Variants in ZBED6 observed in about 807,000 individuals in gnomAD.
ZBED6 encodes zinc finger BED-type containing 6.
Under a neutral mutation model 58.4 loss-of-function variants are expected in ZBED6, and 40 were observed. The observed-to-expected ratio is 0.68, with a 90% CI of 0.53 to 0.89. ZBED6 has a LOEUF of 0.89. Among genes scored for constraint, ZBED6 ranks in the 40% least tolerant of loss-of-function variants. The probability of loss-of-function intolerance (pLI) is 0.00; values close to 1 mark genes in which losing one functional copy is unlikely to be tolerated. For missense variants in ZBED6, 1,057 were observed against 1,003.9 expected, an observed-to-expected ratio of 1.05 and a Z score of -0.71; for synonymous variants, 439 against 350.6, an observed-to-expected ratio of 1.25 and a Z score of -2.82.
At chr1:203,853,883 G>A (rs367873607) in exon 17 of ZBED6, 1 of 152,594 alleles carries the variant, frequency 6.6e-6, no homozygotes, top group Non-Finnish European at 1.5e-5. Context: ...CCAAAGCAGA[G>A]GTAGAATGTT....
At chr1:203,847,618 A>C (rs758078429) in exon 12 of ZBED6, 1 of 1,613,462 alleles carries the variant, frequency 6.2e-7, no homozygotes, top group Non-Finnish European at 8.5e-7. Context: ...TGAGAGCAGC[A>C]CCAGCTCCCC....
intron 1 of ZBED6, chr1:203,814,933 A>AGTTTCCCT (rs1675765939): frequency 6.6e-6 from 1 of 151,864 alleles, no homozygotes; most frequent in Non-Finnish European, 1.5e-5. Context: ...GGGTTCAAGA[A>AGTTTCCCT]GTTTCCCTAC....
At chr1:203,798,297 A>C in exon 1 of ZBED6, 1 of 1,536,100 alleles carries the variant, frequency 6.5e-7, no homozygotes, top group Non-Finnish European at 8.7e-7. Context: ...GCATGCTTTA[A>C]TTCCTGGAAC....
exon 1 of ZBED6, chr1:203,798,476 G>T: frequency 6.5e-7 from 1 of 1,536,124 alleles, no homozygotes; most frequent in Non-Finnish European, 8.7e-7. Context: ...CTATCCATTG[G>T]GCTGTTGCCA....
chr1:203,829,330 G>A (rs1681525807), intron 4 of ZBED6, 121 bp from the exon 5 acceptor site: 1 of 1,006,274 alleles, frequency 9.9e-7, no homozygotes, highest in Admixed American at 2.5e-5. Flanking sequence ...CTTAAATGAG[G>A]AAATTTAGTA....
exon 1 of ZBED6, chr1:203,797,728 G>T: frequency 6.5e-7 from 1 of 1,535,246 alleles, no homozygotes; most frequent in Non-Finnish European, 8.7e-7. Flanking sequence ...AAGGGTTTGC[G>T]AATTAAGGGG....
exon 6 of ZBED6, chr1:203,829,895 A>G (rs775667583): frequency 6.2e-7 from 1 of 1,613,012 alleles, no homozygotes; most frequent in East Asian, 2.2e-5. Context: ...ATATAAAGCA[A>G]GGTAAGAAGA....
At chr1:203,841,583 C>A (rs774882410) in intron 11 of ZBED6, among the ~76,000 whole-genome samples, 17 of 151,462 alleles carry the variant, frequency 1.1e-4, no homozygotes, top group Non-Finnish European at 2.5e-4. Context: ...ACAATCTGAT[C>A]TCTCTTTCTT....
chr1:203,847,081 G>A lies in ZBED6; in HGVS notation c.*3742-103G>A. 6 of 1,243,760 alleles carry A rather than the reference G, an allele frequency of 4.8e-6. No individual in the cohort carries two copies. In the South Asian group the frequency reaches 8.5e-5, roughly 18 times the overall value. The allele number at this position is 1,243,760 out of a possible 1,614,324, so 77.0% of individuals were successfully genotyped here. On this transcript the variant is annotated intron_variant, in intron 11 of 16. Transcript: ENST00000550078. The stretch of plus-strand genomic sequence containing the variant: ...GATCCTTTTAATTGCCTGCTTAAAT[G>A]ATAGCTCTCTGTTGGACTGTCTTGA...
intron 11 of ZBED6, among the ~76,000 whole-genome samples, chr1:203,846,093 C>T (rs1687809401): frequency 1.2e-5 from 1 of 86,408 alleles, no homozygotes; most frequent in South Asian, 4.0e-4. Flanking sequence ...GCCTGGGCCA[C>T]ATAACAAGAC....
chr1:203,797,444 A>G (rs903333751), exon 1 of ZBED6: 72 of 1,316,528 alleles, frequency 5.5e-5, no homozygotes, highest in Non-Finnish European at 7.1e-5. Context: ...TAATGCAAGT[A>G]GAGAGGAACA....
intron 3 of ZBED6, among the ~76,000 whole-genome samples, chr1:203,824,253 G>GT (rs1679744603): frequency 7.0e-6 from 1 of 142,104 alleles, no homozygotes; most frequent in Non-Finnish European, 1.5e-5. Flanking sequence ...GGGCTACACA[G>GT]TAAGACTCCC....
intron 1 of ZBED6, among the ~76,000 whole-genome samples, chr1:203,807,092 C>T (rs1672662789): frequency 6.6e-6 from 1 of 151,730 alleles, no homozygotes; most frequent in African/African-American, 2.4e-5. Context: ...TTGTGTTGCC[C>T]AGGCTGGTCT....
chr1:203,847,092 G>T, intron 11 of ZBED6, 92 bp from the exon 12 acceptor site: 1 of 1,360,800 alleles, frequency 7.3e-7, no homozygotes, highest in Non-Finnish European at 1.0e-6. Flanking sequence ...ATAGCTCTCT[G>T]TTGGACTGTC....
At chr1:203,819,860 T>A (rs1323210861) in intron 3 of ZBED6, among the ~76,000 whole-genome samples, 1 of 151,812 alleles carries the variant, frequency 6.6e-6, no homozygotes, top group African/African-American at 2.4e-5. Context: ...TTAAAAAGAT[T>A]AACATTGATA....
At chr1:203,804,784 T>C (rs1671716085) in intron 1 of ZBED6, among the ~76,000 whole-genome samples, 1 of 151,828 alleles carries the variant, frequency 6.6e-6, no homozygotes, top group Non-Finnish European at 1.5e-5. Context: ...GTGATTCTTC[T>C]GTCTCAGCCT....
intron 16 of ZBED6, among the ~76,000 whole-genome samples, chr1:203,851,858 A>G (rs1239308832): frequency 6.6e-6 from 1 of 150,736 alleles, no homozygotes; most frequent in Non-Finnish European, 1.5e-5. Context: ...AGACCCAGCT[A>G]CTTGGGAGGC....
At chr1:203,827,853 C>CT (rs1480282162) in intron 3 of ZBED6, among the ~76,000 whole-genome samples, 1 of 152,072 alleles carries the variant, frequency 6.6e-6, no homozygotes, top group Non-Finnish European at 1.5e-5. Context: ...GTGCTTAGTG[C>CT]TTTATATACA....
In ZBED6 at chr1:203,798,356, G is replaced by T. The variant is rs1190947878; in HGVS notation, c.834G>T (p.Gln278His). 4 of 1,535,214 alleles carry T rather than the reference G, an allele frequency of 2.6e-6. No homozygotes were observed. In the African/African-American group the frequency reaches 5.5e-5, roughly 21 times the overall value. ...GGAATTTTTTTTACACTGATCCTCA[G>T]CACATCTCAAGAGCTGTGTGTAATA... is the stretch of plus-strand genomic sequence containing the variant. The change falls in exon 1 of 17, where the codon CAG (glutamine) becomes CAT (histidine). Residue 278 changes from glutamine to histidine, a missense_variant. Coordinates refer to ENST00000550078, the Ensembl canonical transcript of ZBED6.
Sources: allele counts gnomAD v4.1 joint callset (sites outside exome capture counted in the v4.1 genomes callset), GRCh38; gene constraint gnomAD v4.1.1; transcripts MANE v1.5; gene names NCBI Gene and HGNC (gene_info 2026-07-23, HGNC 2026-07-21).